MBP: variants seen among roughly 807,000 people sequenced by gnomAD.
The protein encoded by MBP is Golli-MBP.
In MBP, 16 loss-of-function variants were observed where a neutral mutation model predicts 35.8. The ratio of observed to expected loss-of-function variants is 0.45; its 90% confidence interval spans 0.30 to 0.68. MBP has a LOEUF of 0.68. MBP is among the 30% of genes least tolerant of loss of function. MBP has a pLI of 0.08. For missense variants in MBP, 380 were observed against 404.7 expected (o/e 0.94, Z 0.52); for synonymous variants, 143 against 159.6 (o/e 0.90, Z 0.78).
intron 2 of MBP, among the ~76,000 whole-genome samples, chr18:77,099,216 A>G (rs780130632): frequency 1.3e-5 from 2 of 152,176 alleles, no homozygotes; most frequent in Admixed American, 1.3e-4. Context: ...CGTACACTAT[A>G]CGGGGGGTCT....
At chr18:77,066,254 C>A (rs758556716) in intron 3 of MBP, 44 bp downstream of exon 3, 2 of 1,439,034 alleles carry the variant, frequency 1.4e-6, no homozygotes, top group East Asian at 4.5e-5. Context: ...CAGGTGCACG[C>A]TGTCACCATG....
intron 2 of MBP, among the ~76,000 whole-genome samples, chr18:77,085,924 C>T (rs1475933741): frequency 5.3e-5 from 8 of 152,060 alleles, no homozygotes; most frequent in African/African-American, 1.9e-4. Context: ...CCTCGTGATC[C>T]ACCTGCCTCA....
At position 77,051,402 on chromosome 18, in the gene MBP, ACT is replaced by A. The variant is rs574393660; in HGVS notation, c.139+14894_139+14895del. Among the ~76,000 whole-genome samples, 24 of 152,330 alleles carry A rather than the reference ACT, an allele frequency of 1.6e-4. No homozygotes were observed. In the South Asian group the frequency reaches 5.0e-3, roughly 32 times the overall value. On this transcript the variant is annotated intron_variant, in intron 3 of 8. Coordinates refer to ENST00000355994, the MANE Select transcript of MBP (RefSeq NM_001025101.2). ...CTGTTTATTTTAAAATCCACCCACC[ACT>A]GTCGGCCTGGCTCACAGTGAATTAA... is the stretch of plus-strand genomic sequence containing the variant.
chr18:77,065,953 G>C (rs1016925847), intron 3 of MBP: 4 of 228,568 alleles, frequency 1.8e-5, no homozygotes, highest in African/African-American at 9.2e-5. Flanking sequence ...GACCTCCTGG[G>C]CCCAAGTGAT....
intron 3 of MBP, among the ~76,000 whole-genome samples, chr18:77,048,747 A>T (rs1973362302): frequency 6.6e-6 from 1 of 152,148 alleles, no homozygotes; most frequent in South Asian, 2.1e-4. Context: ...TACAGGCGTG[A>T]GCCACCATGC....
intron 1 of MBP, among the ~76,000 whole-genome samples, chr18:77,121,065 C>A (rs1976871376): frequency 6.6e-6 from 1 of 152,124 alleles, no homozygotes; most frequent in Admixed American, 6.5e-5. Context: ...TTTGGGAGAC[C>A]AAGTGGGAGG....
At position 76,988,512 on chromosome 18, in the gene MBP, G is replaced by A; in HGVS notation, c.733C>T (p.Leu245=). 1 of 1,613,998 alleles carries A rather than the reference G, an allele frequency of 6.2e-7. No individual in the cohort carries two copies. The highest frequency in any genetic ancestry group is 8.5e-7 in the Non-Finnish European group (1 of 1,179,880). ...TCACCTACCCAGCTAAATCTGCTCA[G>A]GGACAGTCCTCTCCCCTGCATGAGG... ...PSQGKGRGLS[L]SRFSWGAEGQ... is the part of the protein sequence containing the mutation. Residue 245 remains leucine (L), a synonymous_variant, in exon 7 of 9, where the codon CTG becomes TTG. Transcript: ENST00000355994. This position sits in a 1 kb window ranked among gnomAD's most constrained non-coding sequence, Gnocchi z 5.2.
At chr18:77,014,999 CAA>C (rs1194803910) in intron 4 of MBP, 23 of 984,642 alleles carry the variant, frequency 2.3e-5, no homozygotes, top group Non-Finnish European at 2.7e-5. Flanking sequence ...CCCTGTTTTG[CAA>C]AGAGATGGAC....
Position 77,020,672 on chromosome 18 carries a change from G to T in MBP, c.140-3404C>A, listed in dbSNP as rs1236677594. The stretch of plus-strand genomic sequence containing the variant: ...CGGGGCTGGTCTCATAGGCTGCCTC[G>T]CTTGGTGCCACCAAGATTCCAGCCT... On this transcript the variant is annotated intron_variant, in intron 3 of 8. Transcript: ENST00000355994. The surrounding 1 kb of genome is among the most constrained non-coding windows in gnomAD (Gnocchi z 4.1). Among the ~76,000 whole-genome samples, 15 of 152,190 alleles carry T rather than the reference G, an allele frequency of 9.9e-5. No homozygotes were observed. The highest frequency in any genetic ancestry group is 1.9e-4 in the Non-Finnish European group (13 of 68,026).
Position 77,084,431 on chromosome 18 carries a change from C to CACACACACACACACACACACA in MBP, c.52-18047_52-18046insTGTGTGTGTGTGTGTGTGTGT, listed in dbSNP as rs60600826. 1.8e-3 allele frequency among the ~76,000 whole-genome samples: 193 copies of CACACACACACACACACACACA among 105,956 alleles called. 10 individuals carry two copies. Among genetic ancestry groups the CACACACACACACACACACACA allele is most frequent in the Non-Finnish European group, 2.8e-3 (141 of 50,302 alleles). The allele number at this position is 105,956 out of a possible 152,430, so 69.5% of individuals were successfully genotyped here. Reference sequence around the variant, plus strand: ...ACACCGCCCCCCCCGCCACACCACACCACACACACACACACACACACACAC... The same window carrying CACACACACACACACACACACA: ...ACACCGCCCCCCCCGCCACACCACACACACACACACACACACACACACACACACACACACACACACACACAC... On this transcript the variant is annotated intron_variant, in intron 2 of 8. Coordinates refer to ENST00000355994, the MANE Select transcript of MBP (RefSeq NM_001025101.2).
At chr18:77,108,732 C>T (rs1009092452) in intron 1 of MBP, 38 of 152,266 alleles carry the variant, frequency 2.5e-4, no homozygotes, top group African/African-American at 8.9e-4. Flanking sequence ...GACTACATGT[C>T]ACCTTGGTGG....
intron 1 of MBP, among the ~76,000 whole-genome samples, chr18:77,130,920 T>G (rs776887483): frequency 1.3e-5 from 2 of 150,378 alleles, no homozygotes; most frequent in Non-Finnish European, 3.0e-5. Flanking sequence ...TAACCCGGAG[T>G]TAGTAGAAGT....
chr18:77,098,536 G>T (rs2145084977), intron 2 of MBP, among the ~76,000 whole-genome samples: 1 of 152,330 alleles, frequency 6.6e-6, no homozygotes, highest in East Asian at 1.9e-4. Context: ...ATTTTCACCT[G>T]CATTTGGAAA....
intron 2 of MBP, among the ~76,000 whole-genome samples, chr18:77,104,102 G>A (rs953292755): frequency 6.6e-6 from 1 of 152,236 alleles, no homozygotes; most frequent in Non-Finnish European, 1.5e-5. Context: ...ACTGAAGAAG[G>A]GCTGGAGCCA....
chr18:76,981,501 C>T (rs1249046677), intron 8 of MBP: 1 of 152,240 alleles, frequency 6.6e-6, no homozygotes, highest in African/African-American at 2.4e-5. Context: ...GTTCTGACTT[C>T]TTGGGGGGTT....
chr18:76,985,582 G>A (rs1396156932), intron 7 of MBP: 1 of 1,095,262 alleles, frequency 9.1e-7, no homozygotes. Flanking sequence ...GGAGGCCGGG[G>A]CTGCTGAGCC....
intron 3 of MBP, among the ~76,000 whole-genome samples, chr18:77,045,339 T>C (rs8098769): frequency 5.3e-5 from 5 of 94,790 alleles, no homozygotes; most frequent in South Asian, 3.8e-4. Context: ...CGGCTGCCAG[T>C]AAAGACACTT....
intron 1 of MBP, among the ~76,000 whole-genome samples, chr18:77,132,063 G>A (rs1977296123): frequency 2.0e-5 from 3 of 152,110 alleles, no homozygotes. Context: ...CGCGAGCCGG[G>A]AGGACCCCCC....
chr18:77,100,538 T>TG (rs1975962928), intron 2 of MBP, among the ~76,000 whole-genome samples: 1 of 108,960 alleles, frequency 9.2e-6, no homozygotes, highest in African/African-American at 3.0e-5. Context: ...TGTGTGTGTG[T>TG]GTGTGTGTTT....
Sources: gnomAD v4.1 joint callset for allele counts (sites outside exome capture counted in the v4.1 genomes callset) on GRCh38, gnomAD v4.1.1 for gene constraint, Gnocchi (gnomAD v3.1) non-coding constraint, MANE v1.5 for transcripts, NCBI Gene and HGNC (gene_info 2026-07-23, HGNC 2026-07-21) for gene names.